Variants in SORCS3 observed in about 807,000 individuals in gnomAD.
SORCS3 encodes VPS10 domain-containing receptor SorCS3.
In SORCS3, 57 loss-of-function variants were observed where a neutral mutation model predicts 146.3. The observed-to-expected ratio is 0.39, with a 90% CI of 0.31 to 0.49. The LOEUF is 0.49. Ranked by LOEUF, SORCS3 falls within the 20% of genes least tolerant of loss-of-function variation. The pLI is 0.92. For missense variants in SORCS3, 1,341 were observed against 1,575.5 expected (o/e 0.85, Z 2.52); for synonymous variants, 653 against 618.5 (o/e 1.06, Z -0.83).
rs577790683 is a variant in SORCS3, at chr10:104,760,256, G to A, written c.628-82536G>A. Among the ~76,000 whole-genome samples the A allele has an allele frequency of 1.5e-4, 23 of 152,272 alleles. No individual in the cohort carries two copies. The East Asian group carries it at 1.7e-3, about 12-fold the overall frequency. Reference sequence around the variant, plus strand: ...CCAGACTGTGAACTTAGCATGGAAAGGATTTTGTAACTTTTGTCACTACAG... The same window carrying A: ...CCAGACTGTGAACTTAGCATGGAAAAGATTTTGTAACTTTTGTCACTACAG... On this transcript the variant is annotated intron_variant, in intron 1 of 26. Transcript: ENST00000369701.
intron 1 of SORCS3, among the ~76,000 whole-genome samples, chr10:104,834,454 A>G (rs1490608801): frequency 6.6e-6 from 1 of 152,026 alleles, no homozygotes; most frequent in African/African-American, 2.4e-5. Flanking sequence ...GTTTATTACC[A>G]AGAGCACCAT....
chr10:104,932,855 C>A (rs1256512870), intron 3 of SORCS3, among the ~76,000 whole-genome samples: 1 of 152,004 alleles, frequency 6.6e-6, no homozygotes, highest in Non-Finnish European at 1.5e-5. Flanking sequence ...CCACTCCCAG[C>A]TATTCTTTTT....
intron 1 of SORCS3, among the ~76,000 whole-genome samples, chr10:104,712,668 C>A (rs1390989002): frequency 6.6e-6 from 1 of 152,176 alleles, no homozygotes; most frequent in African/African-American, 2.4e-5. Context: ...CATCTTGTAA[C>A]AACAGTAAGT....
intron 1 of SORCS3, among the ~76,000 whole-genome samples, chr10:104,832,231 T>C (rs1803357390): frequency 6.6e-6 from 1 of 152,222 alleles, no homozygotes; most frequent in African/African-American, 2.4e-5. Flanking sequence ...TTGAAATTAA[T>C]AAGAGGCATA....
intron 1 of SORCS3, among the ~76,000 whole-genome samples, chr10:104,649,933 G>C (rs1275780799): frequency 6.6e-6 from 1 of 152,208 alleles, no homozygotes; most frequent in Non-Finnish European, 1.5e-5. Flanking sequence ...AGTGAGTAAA[G>C]TGTGTAGCTA....
intron 5 of SORCS3, among the ~76,000 whole-genome samples, chr10:105,077,895 G>C (rs908428061): frequency 5.9e-5 from 9 of 152,166 alleles, no homozygotes; most frequent in Admixed American, 5.9e-4. Context: ...TGAATCTGGG[G>C]CTAGGGAGCA....
At chr10:104,912,633 C>T (rs1314727791) in intron 2 of SORCS3, among the ~76,000 whole-genome samples, 1 of 152,160 alleles carries the variant, frequency 6.6e-6, no homozygotes, top group East Asian at 1.9e-4. Flanking sequence ...TCTCATTCAT[C>T]CATTCATTCT....
intron 1 of SORCS3, among the ~76,000 whole-genome samples, chr10:104,751,968 T>TATATAA (rs1369449514): frequency 4.9e-4 from 63 of 128,434 alleles, no homozygotes; most frequent in Non-Finnish European, 9.0e-4. Flanking sequence ...TATATATATA[T>TATATAA]AATAGTTTAG....
chr10:105,145,258 G>C (rs2056122863), intron 8 of SORCS3, among the ~76,000 whole-genome samples: 1 of 152,092 alleles, frequency 6.6e-6, no homozygotes. Flanking sequence ...TAAAATTGTA[G>C]GTTTATATCT....
chr10:104,877,798 A>G (rs896160642), intron 2 of SORCS3, among the ~76,000 whole-genome samples: 1 of 152,176 alleles, frequency 6.6e-6, no homozygotes, highest in Non-Finnish European at 1.5e-5. Flanking sequence ...GGTTTTCTGC[A>G]TTTTCCTAAG....
intron 26 of SORCS3, among the ~76,000 whole-genome samples, chr10:105,263,085 A>C (rs2056971172): frequency 6.6e-6 from 1 of 152,266 alleles, no homozygotes; most frequent in Non-Finnish European, 1.5e-5. Flanking sequence ...ATAAGATAGC[A>C]GTCAATGTCT....
chr10:104,797,904 C>T (rs2017576010), intron 1 of SORCS3, among the ~76,000 whole-genome samples: 1 of 152,140 alleles, frequency 6.6e-6, no homozygotes, highest in African/African-American at 2.4e-5. Context: ...TACTCACATG[C>T]AGTTTTCTGG....
chr10:104,749,662 TC>T (rs1178745025), intron 1 of SORCS3, among the ~76,000 whole-genome samples: 3 of 152,196 alleles, frequency 2.0e-5, no homozygotes, highest in African/African-American at 7.2e-5. Context: ...GGTAACTTCC[TC>T]AAGGTTACAC....
intron 7 of SORCS3, among the ~76,000 whole-genome samples, chr10:105,115,469 C>T (rs943572942): frequency 3.3e-5 from 5 of 152,094 alleles, no homozygotes; most frequent in South Asian, 2.1e-4. Flanking sequence ...TCTCCAAATT[C>T]GTTTTTAAAT....
intron 2 of SORCS3, among the ~76,000 whole-genome samples, chr10:104,859,890 A>G (rs1323953463): frequency 1.5e-5 from 2 of 129,040 alleles, no homozygotes; most frequent in Non-Finnish European, 3.4e-5. Context: ...CACCAGTTAG[A>G]ATGGCAATCA....
chr10:104,780,291 A>G (rs1246469094), intron 1 of SORCS3, among the ~76,000 whole-genome samples: 1 of 152,104 alleles, frequency 6.6e-6, no homozygotes, highest in East Asian at 1.9e-4. Flanking sequence ...AATTATAATA[A>G]TAATAAATGT....
intron 5 of SORCS3, among the ~76,000 whole-genome samples, chr10:105,055,572 AC>A (rs773827507): frequency 2.0e-5 from 3 of 152,170 alleles, no homozygotes; most frequent in Non-Finnish European, 4.4e-5. Flanking sequence ...TAAGTGCTTA[AC>A]AAATACCAGC....
At chr10:104,811,839 A>G (rs2017744189) in intron 1 of SORCS3, among the ~76,000 whole-genome samples, 1 of 152,212 alleles carries the variant, frequency 6.6e-6, no homozygotes, top group African/African-American at 2.4e-5. Context: ...TTTTGAGAAC[A>G]AAGGAATGGC....
intron 4 of SORCS3, among the ~76,000 whole-genome samples, chr10:105,033,239 G>T (rs1019399094): frequency 1.3e-5 from 2 of 152,202 alleles, no homozygotes; most frequent in African/African-American, 4.8e-5. Flanking sequence ...TGAGACATTA[G>T]TCCTGTGAGG....
Sources: gnomAD v4.1 joint callset for allele counts (sites outside exome capture counted in the v4.1 genomes callset) on GRCh38, gnomAD v4.1.1 for gene constraint, MANE v1.5 for transcripts, NCBI Gene and HGNC (gene_info 2026-07-23, HGNC 2026-07-21) for gene names.